Variants in NTRK3 observed in about 807,000 individuals in gnomAD.
The protein encoded by NTRK3 is neurotrophic receptor tyrosine kinase 3.
Under a neutral mutation model 91.7 loss-of-function variants are expected in NTRK3, and 24 were observed. The ratio of observed to expected loss-of-function variants is 0.26; its 90% CI spans 0.19 to 0.37. The LOEUF (loss-of-function observed/expected upper bound fraction) is 0.37, where lower values mean the gene tolerates loss of function less well. Ranked by LOEUF, NTRK3 falls within the 10% of genes least tolerant of loss-of-function variation. The probability of loss-of-function intolerance (pLI) is 1.00; values close to 1 mark genes in which losing one functional copy is unlikely to be tolerated. For missense variants in NTRK3, 880 were observed against 1,068.9 expected (o/e 0.82, Z 2.46); for synonymous variants, 483 against 404.0 (o/e 1.20, Z -2.34).
At chr15:87,968,001 T>C (rs1445219872) in intron 14 of NTRK3, among the ~76,000 whole-genome samples, 1 of 152,162 alleles carries the variant, frequency 6.6e-6, no homozygotes, top group Non-Finnish European at 1.5e-5. Context: ...CTCAAAATGG[T>C]CCAAAGGTCC....
chr15:88,113,541 C>A (rs1316669017), intron 13 of NTRK3, among the ~76,000 whole-genome samples: 1 of 152,080 alleles, frequency 6.6e-6, no homozygotes, highest in Non-Finnish European at 1.5e-5. Context: ...GTCTCAAACT[C>A]TTGACCTCAG....
intron 14 of NTRK3, among the ~76,000 whole-genome samples, chr15:88,008,584 C>A (rs1044803611): frequency 1.3e-5 from 2 of 152,038 alleles, no homozygotes; most frequent in Non-Finnish European, 2.9e-5. Flanking sequence ...ATCCATGGAA[C>A]TATATGACCT....
chr15:88,247,543 T>C (rs757836166), intron 3 of NTRK3, among the ~76,000 whole-genome samples: 6 of 152,364 alleles, frequency 3.9e-5, no homozygotes, highest in Admixed American at 1.3e-4. Flanking sequence ...ATAACCAACG[T>C]GGTGCCCAAT....
At chr15:88,076,733 T>C (rs967283233) in intron 13 of NTRK3, among the ~76,000 whole-genome samples, 2 of 147,802 alleles carry the variant, frequency 1.4e-5, no homozygotes. Flanking sequence ...AAAAGTACAG[T>C]GTACTATGAG....
In NTRK3 at chr15:88,107,479, T is replaced by C. The variant is rs530964953; in HGVS notation, c.1396+18792A>G. Among the ~76,000 whole-genome samples the C allele has an allele frequency of 1.4e-4, 21 of 152,228 alleles. No individual in the cohort carries two copies. The South Asian group carries it at 4.4e-3, about 32-fold the overall frequency. On this transcript the variant is annotated intron_variant, in intron 13 of 18. Transcript: ENST00000394480. ...CTATGAAGTGCAAAATAAAGGCATG[T>C]CCCTTCCTAGGCTCAATGCACAGTT... is the stretch of plus-strand genomic sequence containing the variant.
At chr15:88,165,886 C>A (rs902353365) in intron 5 of NTRK3, among the ~76,000 whole-genome samples, 10 of 152,096 alleles carry the variant, frequency 6.6e-5, no homozygotes, top group Non-Finnish European at 1.0e-4. Context: ...TGTGCACATG[C>A]GCATGAGCAA....
At chr15:87,909,959 C>G (rs552215634) in intron 17 of NTRK3, among the ~76,000 whole-genome samples, 3 of 152,282 alleles carry the variant, frequency 2.0e-5, no homozygotes, top group South Asian at 4.1e-4. Flanking sequence ...TTGAAGCCCC[C>G]AGTCTGTGGA....
intron 6 of NTRK3, among the ~76,000 whole-genome samples, chr15:88,139,307 TG>T (rs1396989151): frequency 1.3e-5 from 2 of 152,208 alleles, no homozygotes; most frequent in African/African-American, 2.4e-5. Flanking sequence ...TCTGAATGCC[TG>T]GATCATTAGA....
intron 14 of NTRK3, among the ~76,000 whole-genome samples, chr15:88,024,754 A>G (rs1371092893): frequency 6.6e-6 from 1 of 150,636 alleles, no homozygotes; most frequent in Non-Finnish European, 1.5e-5. Flanking sequence ...GACTTCTGGG[A>G]AAGTGAAAAG....
chr15:87,877,300 A>T (rs2064993906), intron 18 of NTRK3, among the ~76,000 whole-genome samples, 180 bp from the exon 20 acceptor site: 1 of 152,192 alleles, frequency 6.6e-6, no homozygotes, highest in South Asian at 2.1e-4. Context: ...TCTGGTGCAC[A>T]GTGCAGTGAG....
chr15:88,131,275 C>T (rs2041315233), intron 10 of NTRK3, among the ~76,000 whole-genome samples: 1 of 152,244 alleles, frequency 6.6e-6, no homozygotes, highest in Admixed American at 6.5e-5. Flanking sequence ...TTCACCCATT[C>T]ATTCACTCAT....
intron 13 of NTRK3, among the ~76,000 whole-genome samples, chr15:88,123,601 G>C (rs910518853): frequency 1.3e-5 from 2 of 152,198 alleles, no homozygotes; most frequent in African/African-American, 4.8e-5. Context: ...GAGATCCTTA[G>C]AACATGTGCC....
rs2142084162 is a variant in NTRK3 at position 88,255,861 on chromosome 15, G to A, written c.248+45C>T. The stretch of plus-strand genomic sequence containing the variant: ...GGCCGCGGGTGGGCAGGAGGGAGAC[G>A]CAGAGCGCGGGGGAGGCAGGCTGGG... On this transcript the variant is annotated intron_variant, in intron 3 of 18. Coordinates refer to ENST00000394480, the Ensembl canonical transcript of NTRK3. The surrounding 1 kb of genome is among the most constrained non-coding windows in gnomAD (Gnocchi z 4.3). 1.3e-6 allele frequency: 2 copies of A among 1,560,406 alleles called. No individual in the cohort carries two copies. Among genetic ancestry groups the A allele is most frequent in the East Asian group, 2.4e-5 (1 of 42,120 alleles).
At chr15:87,892,590 C>T (rs1172633905) in intron 17 of NTRK3, among the ~76,000 whole-genome samples, 3 of 151,980 alleles carry the variant, frequency 2.0e-5, no homozygotes, top group East Asian at 1.9e-4. Context: ...ATTATTTTGT[C>T]GACGACTTTT....
At chr15:87,966,846 A>G (rs2072841435) in intron 14 of NTRK3, among the ~76,000 whole-genome samples, 1 of 152,184 alleles carries the variant, frequency 6.6e-6, no homozygotes, top group Admixed American at 6.5e-5. Flanking sequence ...CTTACCCAAG[A>G]CTAGTGAATA....
At chr15:87,920,919 G>C (rs1346386324) in intron 17 of NTRK3, among the ~76,000 whole-genome samples, 1 of 152,154 alleles carries the variant, frequency 6.6e-6, no homozygotes, top group Non-Finnish European at 1.5e-5. Context: ...ACAGTAAAAT[G>C]TGCATTAGTG....
At chr15:87,980,159 G>A (rs1359709186) in intron 14 of NTRK3, among the ~76,000 whole-genome samples, 3 of 152,180 alleles carry the variant, frequency 2.0e-5, no homozygotes, top group Non-Finnish European at 2.9e-5. Context: ...GAGGCCACGT[G>A]CTGCCTCGAG....
chr15:87,930,638 G>A (rs149881033), intron 16 of NTRK3, among the ~76,000 whole-genome samples: 2,049 of 152,228 alleles, frequency 0.013, 22 homozygotes, highest in Non-Finnish European at 0.022. Context: ...GTTGGCCTGC[G>A]GGTTATGGAG....
At chr15:87,877,555 C>G (rs1463818709) in intron 18 of NTRK3, among the ~76,000 whole-genome samples, 1 of 152,132 alleles carries the variant, frequency 6.6e-6, no homozygotes, top group African/African-American at 2.4e-5. Flanking sequence ...GAGCTCTGCA[C>G]CCTCTGGCCC....
Sources: allele counts gnomAD v4.1 joint callset (sites outside exome capture counted in the v4.1 genomes callset), GRCh38; gene constraint gnomAD v4.1.1; non-coding constraint Gnocchi (gnomAD v3.1); transcripts MANE v1.5; gene names NCBI Gene and HGNC (gene_info 2026-07-23, HGNC 2026-07-21).